Variants in ZNF326 observed in about 807,000 individuals in gnomAD.
ZNF326 encodes zinc finger protein 326.
A neutral mutation model predicts 63.1 loss-of-function variants in ZNF326; 30 were observed. The ratio of observed to expected loss-of-function variants is 0.48; its 90% CI spans 0.36 to 0.64. The LOEUF (loss-of-function observed/expected upper bound fraction) is 0.64, where lower values mean the gene tolerates loss of function less well. Ranked by LOEUF, ZNF326 falls within the 30% of genes least tolerant of loss-of-function variation. The pLI, the probability that ZNF326 is intolerant of heterozygous loss-of-function variation, is 0.00. For synonymous variants in ZNF326, 194 were observed against 228.2 expected (o/e 0.85, Z 1.35); for missense variants, 609 against 720.3 (o/e 0.85, Z 1.77).
At chr1:90,006,439 A>AT in intron 4 of ZNF326, 2 of 985,364 alleles carry the variant, frequency 2.0e-6, no homozygotes, top group Non-Finnish European at 2.4e-6. Flanking sequence ...GTGTTGTAAG[A>AT]TATCAAGCAA....
intron 7 of ZNF326, among the ~76,000 whole-genome samples, chr1:90,016,963 A>G (rs1018796738): frequency 6.6e-6 from 1 of 152,206 alleles, no homozygotes; most frequent in African/African-American, 2.4e-5. Flanking sequence ...AAGCTTGAGG[A>G]TGGAACAACA....
chr1:90,016,531 G>C (rs1004427551), intron 7 of ZNF326, among the ~76,000 whole-genome samples: 3 of 151,792 alleles, frequency 2.0e-5, no homozygotes, highest in Non-Finnish European at 2.9e-5. Flanking sequence ...GCCTGGCCAA[G>C]GTGGCAAAAA....
intron 2 of ZNF326, among the ~76,000 whole-genome samples, chr1:90,003,282 C>T (rs541801025): frequency 6.2e-4 from 95 of 152,108 alleles, no homozygotes; most frequent in Non-Finnish European, 1.2e-3. Context: ...AGGCACCTGC[C>T]ACCACACCCA....
chr1:90,020,396 C>T (rs1469947062), intron 9 of ZNF326, among the ~76,000 whole-genome samples: 1 of 152,032 alleles, frequency 6.6e-6, no homozygotes, highest in East Asian at 1.9e-4. Flanking sequence ...TCCAGAATAC[C>T]TTTGTTCCTT....
intron 4 of ZNF326, chr1:90,006,031 A>G (rs1379300096): frequency 1.0e-6 from 1 of 985,310 alleles, no homozygotes; most frequent in Non-Finnish European, 1.2e-6. Flanking sequence ...AAGTAAAACT[A>G]GTTAGTAGAC....
rs1166606069 is a variant in ZNF326 at position 90,027,429 on chromosome 1, A to G, written c.1477A>G (p.Ile493Val). The G allele has an allele frequency of 8.1e-6, 13 of 1,613,878 alleles. No homozygotes were observed. The East Asian group carries it at 1.1e-4, about 14-fold the overall frequency. ...AGGAGATGAGGAGGATGAAGAGAAG[A>G]TTGATGAACCTATTGAAGAAGAGGA... ...IEGDEEDEEK[I>V]DEPIEEEEDE... The change falls in exon 12 of 12, where the codon ATT (isoleucine) becomes GTT (valine). Residue 493 changes from isoleucine to valine, a missense_variant. Physicochemically the swap from Ile to Val is conservative, Grantham distance 29. Around this residue, in one of 3 missense-constraint regions of ZNF326, gnomAD observed 399 missense variants for 444.3 expected, o/e 0.90. Coordinates refer to ENST00000340281, the MANE Select transcript of ZNF326 (RefSeq NM_182976.4).
Position 90,030,293 on chromosome 1 carries a change from C to CT in ZNF326, c.*2592_*2593insT, listed in dbSNP as rs1358688658. The CT allele has an allele frequency of 2.6e-5, 4 of 151,898 alleles. No homozygotes were observed. In the East Asian group the frequency reaches 5.8e-4, roughly 22 times the overall value. The allele number at this position is 151,898 out of a possible 1,614,324, so 9.4% of individuals were successfully genotyped here. On this transcript the variant is annotated 3_prime_UTR_variant, in exon 12 of 12. Transcript: ENST00000340281. Reference sequence around the variant, plus strand: ...ACCATGATAGATTCAGTTTTCTACACAAGTATAAGCTTTTAAAAATGTAAT... The same window carrying CT: ...ACCATGATAGATTCAGTTTTCTACACTAAGTATAAGCTTTTAAAAATGTAAT...
chr1:90,004,489 A>G (rs527712923), intron 2 of ZNF326, among the ~76,000 whole-genome samples: 110 of 152,350 alleles, frequency 7.2e-4, no homozygotes, highest in Middle Eastern at 3.4e-3. Context: ...CATTAATTAT[A>G]TATGCTATAG....
Position 90,029,898 on chromosome 1 carries a change from C to CT in ZNF326, c.*2200dup, listed in dbSNP as rs1197428027. ...GGATAATTTGTAGGCGGGCAGTTTA[C>CT]TTTATAGTCAGGTTAGTTTTTGTGA... On this transcript the variant is annotated 3_prime_UTR_variant, in exon 12 of 12. Transcript: ENST00000340281. 6.6e-6 allele frequency: 1 copy of CT among 152,116 alleles called. No individual in the cohort carries two copies. The highest frequency in any genetic ancestry group is 1.5e-5 in the Non-Finnish European group (1 of 68,020). 9.4% of individuals were successfully genotyped at this position (152,116 alleles called of 1,614,324 possible).
chr1:89,998,147 C>G lies in ZNF326; in HGVS notation c.54C>G (p.Gly18=), dbSNP rs1176545818. The G allele has an allele frequency of 5.6e-6, 9 of 1,612,994 alleles. No individual in the cohort carries two copies. The highest frequency in any genetic ancestry group is 7.6e-6 in the Non-Finnish European group (9 of 1,179,754). Reference sequence around the variant, plus strand: ...CCGCCTGCAGGAATACTTATCAGGGCTTTAATGGTAAGTATCCTCTTTCAG... The same window carrying G: ...CCGCCTGCAGGAATACTTATCAGGGGTTTAATGGTAAGTATCCTCTTTCAG... ...THSACRNTYQ[G]FNGMDRDYGP... is the part of the protein sequence containing the mutation. Residue 18 remains glycine (G), a synonymous_variant, in exon 2 of 12, where the codon GGC becomes GGG. Transcript: ENST00000340281.
At position 90,020,822 on chromosome 1, in the gene ZNF326, T is replaced by C; in HGVS notation, c.1205T>C (p.Val402Ala). 2 of 1,612,796 alleles carry C rather than the reference T, an allele frequency of 1.2e-6. No individual in the cohort carries two copies. The highest frequency in any genetic ancestry group is 2.2e-5 in the South Asian group (2 of 90,960). Residue 402 changes from valine to alanine, a missense_variant, in exon 10 of 12, where the codon GTA becomes GCA. By Grantham distance (64) the Val-to-Ala change is moderately conservative. Around this residue, in one of 3 missense-constraint regions of ZNF326, gnomAD observed 399 missense variants for 444.3 expected, o/e 0.90. Transcript: ENST00000340281. ...ACTGTAGATGATCACATGATGAAGG[T>C]AGAGACAGTTCATTGCAGCGCTTGC... ...GVTVDDHMMK[V>A]ETVHCSACSV...
intron 7 of ZNF326, among the ~76,000 whole-genome samples, chr1:90,013,642 T>C (rs1649359897): frequency 6.6e-6 from 1 of 152,120 alleles, no homozygotes; most frequent in African/African-American, 2.4e-5. Context: ...TTATAGATAA[T>C]CAATCATTAA....
At chr1:90,009,450 G>T (rs548801360) in intron 5 of ZNF326, among the ~76,000 whole-genome samples, 1 of 152,194 alleles carries the variant, frequency 6.6e-6, no homozygotes, top group Non-Finnish European at 1.5e-5. Flanking sequence ...TTGTTTCTTG[G>T]GCTTCTGGGT....
rs1230884200 is a variant in ZNF326, at chr1:90,010,211, A to G, written c.739A>G (p.Lys247Glu). 6.2e-7 allele frequency: 1 copy of G among 1,613,802 alleles called. No individual in the cohort carries two copies. Among genetic ancestry groups the G allele is most frequent in the Non-Finnish European group, 8.5e-7 (1 of 1,179,864 alleles). ...IKRKMMQPFN[K>E]PSGTFIKKPK... Reference sequence around the variant, plus strand: ...GAGAAAAATGATGCAGCCATTTAATAAGCCCAGTGGAACCTTTATCAAGAA... The same window carrying G: ...GAGAAAAATGATGCAGCCATTTAATGAGCCCAGTGGAACCTTTATCAAGAA... The change falls in exon 6 of 12, where the codon AAG (lysine) becomes GAG (glutamate). Residue 247 changes from lysine (K) to glutamate (E), a missense_variant. By Grantham distance (56) the Lys-to-Glu change is moderately conservative. Transcript: ENST00000340281.
intron 5 of ZNF326, 125 bp from the exon 6 acceptor site, chr1:90,009,963 A>G: frequency 1.2e-6 from 1 of 858,172 alleles, no homozygotes; most frequent in Non-Finnish European, 1.8e-6. Flanking sequence ...GGACATGTAA[A>G]ATTTAGTTAC....
In ZNF326 at chr1:90,032,732, G is replaced by C. The variant is rs1650328166; in HGVS notation, c.*5031G>C. On this transcript the variant is annotated 3_prime_UTR_variant, in exon 12 of 12. Transcript: ENST00000340281. ...AGTGTGCTAAGCCAGATTTTTGAAG[G>C]ACTAGATAGTTATTCTGGTCTCTGA... 6.6e-6 allele frequency: 1 copy of C among 152,202 alleles called. No individual in the cohort carries two copies. The highest frequency in any genetic ancestry group is 1.5e-5 in the Non-Finnish European group (1 of 68,036). 9.4% of individuals were successfully genotyped at this position (152,202 alleles called of 1,614,324 possible).
At chr1:90,022,482 G>T in intron 11 of ZNF326, 137 bp downstream of exon 11, 1 of 646,306 alleles carries the variant, frequency 1.5e-6, no homozygotes, top group Non-Finnish European at 2.7e-6. Flanking sequence ...TTGCATATAG[G>T]TAAAACATCT....
In ZNF326 at chr1:90,005,215, C is replaced by T. The variant is rs1411524105; in HGVS notation, c.180C>T (p.Asp60=). ...ACCTAAACCAGTCATATGGCATGGA[C>T]AATCACAGTGGTGGTGGTGGGGGTA... ...DSYLNQSYGM[D]NHSGGGGGSR... The change falls in exon 4 of 12, where the codon GAC becomes GAT. Residue 60 remains aspartate, a synonymous_variant. Coordinates refer to ENST00000340281, the MANE Select transcript of ZNF326 (RefSeq NM_182976.4). 1.9e-6 allele frequency: 3 copies of T among 1,613,716 alleles called. No homozygotes were observed. Among genetic ancestry groups the T allele is most frequent in the African/African-American group, 2.7e-5 (2 of 74,844 alleles).
chr1:90,009,379 CAA>C (rs1649134396), intron 5 of ZNF326, among the ~76,000 whole-genome samples: 1 of 152,052 alleles, frequency 6.6e-6, no homozygotes. Flanking sequence ...TGGATAATGA[CAA>C]GAGAAGAGGA....
Sources: allele counts gnomAD v4.1 joint callset (sites outside exome capture counted in the v4.1 genomes callset), GRCh38; gene constraint gnomAD v4.1.1; regional missense constraint gnomAD v4.1.1; transcripts MANE v1.5; gene names NCBI Gene and HGNC (gene_info 2026-07-23, HGNC 2026-07-21).